The following TMEM143 variants were observed in gnomAD, a reference collection of about 807,000 sequenced individuals.
The protein encoded by TMEM143 is transmembrane protein 143.
In TMEM143, 45 loss-of-function variants were observed where a neutral mutation model predicts 40.3. That is an observed-to-expected ratio of 1.12 (90% confidence interval 0.88 to 1.43). TMEM143 has a LOEUF of 1.43. TMEM143 is among the 40% of genes most tolerant of loss of function. The probability of loss-of-function intolerance (pLI) is 0.00; values close to 1 mark genes in which losing one functional copy is unlikely to be tolerated. For synonymous variants in TMEM143, 299 were observed against 282.7 expected (o/e 1.06, Z -0.58); for missense variants, 620 against 613.4 (o/e 1.01, Z -0.11).
chr19:48,339,891 G>A (rs1363625069), intron 6 of TMEM143, among the ~76,000 whole-genome samples: 2 of 151,786 alleles, frequency 1.3e-5, no homozygotes, highest in Admixed American at 6.6e-5. Flanking sequence ...ACCACGCCTG[G>A]CTAATTTTTG....
At chr19:48,334,333 C>G in intron 6 of TMEM143, 136 bp from the exon 7 acceptor site, 1 of 792,838 alleles carries the variant, frequency 1.3e-6, no homozygotes, top group Non-Finnish European at 1.9e-6. Context: ...ACCCAGACCT[C>G]TTCAGTACGG....
intron 3 of TMEM143, among the ~76,000 whole-genome samples, chr19:48,356,937 C>T (rs1269457669): frequency 9.6e-6 from 1 of 104,148 alleles, no homozygotes; most frequent in Non-Finnish European, 1.8e-5. Context: ...TGGAGTCTCA[C>T]TCTGTCACCC....
At position 48,363,373 on chromosome 19, in the gene TMEM143, C is replaced by T. The variant is rs372588694; in HGVS notation, c.182G>A (p.Arg61Lys). The change falls in exon 2 of 8, where the codon AGG becomes AAG. Residue 61 changes from arginine (R) to lysine (K), a missense_variant. Arg to Lys is a conservative substitution (Grantham distance 26). Coordinates refer to ENST00000293261, the MANE Select transcript of TMEM143 (RefSeq NM_018273.4). Reference protein sequence around the residue: ...MGEYRKMWNPREPRDWAQQYR... With the variant: ...MGEYRKMWNPKEPRDWAQQYR... ...CTGCTGGGCCCAGTCGCGGGGCTCC[C>T]TGGGGTTCCACATCTTGCGATACTC... is the stretch of plus-strand genomic sequence containing the variant. 1 of 1,614,198 alleles carries T rather than the reference C, an allele frequency of 6.2e-7. No homozygotes were observed. The highest frequency in any genetic ancestry group is 2.2e-5 in the East Asian group (1 of 44,878).
chr19:48,354,268 T>TC (rs1158652884), intron 3 of TMEM143, among the ~76,000 whole-genome samples: 3 of 138,282 alleles, frequency 2.2e-5, no homozygotes, highest in Non-Finnish European at 4.6e-5. Context: ...CTTTTTCTTT[T>TC]TTTTTTTTTT....
intron 4 of TMEM143, among the ~76,000 whole-genome samples, chr19:48,344,231 T>C (rs1333736130): frequency 6.6e-6 from 1 of 151,798 alleles, no homozygotes; most frequent in Non-Finnish European, 1.5e-5. Flanking sequence ...TGCGTGCTTT[T>C]AGGGGCTTGG....
chr19:48,343,177 A>C, intron 5 of TMEM143, 144 bp downstream of exon 5: 1 of 1,054,038 alleles, frequency 9.5e-7, no homozygotes, highest in Non-Finnish European at 1.3e-6. Flanking sequence ...AGAAGAAAAG[A>C]CAGCATTTGG....
In TMEM143 at chr19:48,334,206, G is replaced by T. The variant is rs568202559; in HGVS notation, c.976-9C>A. The T allele has an allele frequency of 5.7e-6, 9 of 1,588,370 alleles. No individual in the cohort carries two copies. The East Asian group carries it at 2.1e-4, about 36-fold the overall frequency. On this transcript the variant is annotated splice_polypyrimidine_tract_variant and intron_variant, in intron 6 of 7. Transcript: ENST00000293261. ...CGCCGCTGCCCGAACATCTGCAGGCGGGACAGCGCCCCGTGGGCTCAGTTC... is the reference window on the plus strand; with the variant it reads ...CGCCGCTGCCCGAACATCTGCAGGCTGGACAGCGCCCCGTGGGCTCAGTTC...
intron 3 of TMEM143, chr19:48,359,728 C>T (rs2147388373): frequency 5.7e-6 from 1 of 174,788 alleles, no homozygotes; most frequent in Non-Finnish European, 1.2e-5. Flanking sequence ...AGGATGGTCT[C>T]GATCTCCTGA....
chr19:48,360,252 C>T, intron 2 of TMEM143, 76 bp from the exon 3 acceptor site: 2 of 1,395,414 alleles, frequency 1.4e-6, no homozygotes, highest in Non-Finnish European at 2.0e-6. Flanking sequence ...TCCCTGGCTG[C>T]CTAACTACAC....
Position 48,333,957 on chromosome 19 carries a change from G to A in TMEM143, c.1165+51C>T, listed in dbSNP as rs1969278747. 1 of 1,461,650 alleles carries A rather than the reference G, an allele frequency of 6.8e-7. No individual in the cohort carries two copies. 90.5% of individuals were successfully genotyped at this position (1,461,650 alleles called of 1,614,324 possible). A position where few individuals can be genotyped will look rare whatever the true frequency, so the allele number is the denominator to read the frequency against. ...TGGGGACGCATCTCGCTGGGGCGGG[G>A]CCTCGCGGGGGTGTGGCCCCTGGGG... is the stretch of plus-strand genomic sequence containing the variant. On this transcript the variant is annotated intron_variant, in intron 7 of 7. Coordinates refer to ENST00000293261, the MANE Select transcript of TMEM143 (RefSeq NM_018273.4). The surrounding 1 kb of genome is among the most constrained non-coding windows in gnomAD (Gnocchi z 4.1).
chr19:48,336,948 G>A (rs1600895382), intron 6 of TMEM143, among the ~76,000 whole-genome samples: 1 of 151,924 alleles, frequency 6.6e-6, no homozygotes, highest in South Asian at 2.1e-4. Flanking sequence ...GTGAACCTGG[G>A]AGGCGGAGCT....
chr19:48,336,813 C>A (rs544549589), intron 6 of TMEM143, among the ~76,000 whole-genome samples: 1 of 151,406 alleles, frequency 6.6e-6, no homozygotes, highest in Non-Finnish European at 1.5e-5. Context: ...GTCAGGAGAT[C>A]GAGACCATCC....
intron 6 of TMEM143, 95 bp from the exon 7 acceptor site, chr19:48,334,292 G>A: frequency 2.2e-6 from 3 of 1,362,816 alleles, no homozygotes; most frequent in Non-Finnish European, 3.0e-6. Flanking sequence ...GGCCCACGCC[G>A]CTTACTCCCC....
chr19:48,343,201 C>A, intron 5 of TMEM143, 120 bp downstream of exon 5: 1 of 1,299,876 alleles, frequency 7.7e-7, no homozygotes, highest in South Asian at 1.5e-5. Flanking sequence ...AGTCACGCCT[C>A]CCATTTCTCA....
At chr19:48,338,785 G>A (rs572104691) in intron 6 of TMEM143, among the ~76,000 whole-genome samples, 1 of 152,224 alleles carries the variant, frequency 6.6e-6, no homozygotes, top group South Asian at 2.1e-4. Flanking sequence ...CTGGGCTAAG[G>A]GGCTTCACAG....
intron 2 of TMEM143, 94 bp from the exon 3 acceptor site, chr19:48,360,270 G>T: frequency 7.8e-7 from 1 of 1,276,584 alleles, no homozygotes; most frequent in East Asian, 2.4e-5. Flanking sequence ...CACAATCAGA[G>T]CTCTGGACTT....
intron 3 of TMEM143, among the ~76,000 whole-genome samples, chr19:48,358,556 A>T (rs1025870108): frequency 6.6e-6 from 1 of 152,002 alleles, no homozygotes; most frequent in Non-Finnish European, 1.5e-5. Context: ...CTCAGGCCAG[A>T]ACTGCTGGAG....
At chr19:48,357,520 A>AT (rs1298008406) in intron 3 of TMEM143, among the ~76,000 whole-genome samples, 2 of 147,584 alleles carry the variant, frequency 1.4e-5, no homozygotes, top group Admixed American at 6.8e-5. Context: ...CGCCCGGCTA[A>AT]TTTTTTTTTG....
intron 3 of TMEM143, among the ~76,000 whole-genome samples, chr19:48,356,596 A>T (rs1452452758): frequency 7.4e-6 from 1 of 135,868 alleles, no homozygotes; most frequent in Non-Finnish European, 1.6e-5. Flanking sequence ...GGCCCAGGTA[A>T]TTTTTTTTTT....
Sources: allele counts gnomAD v4.1 joint callset (sites outside exome capture counted in the v4.1 genomes callset), GRCh38; gene constraint gnomAD v4.1.1; non-coding constraint Gnocchi (gnomAD v3.1); transcripts MANE v1.5; gene names NCBI Gene and HGNC (gene_info 2026-07-23, HGNC 2026-07-21).